Variants in ATRNL1 observed in about 807,000 individuals in gnomAD.
ATRNL1 encodes the protein attractin like 1, also known as attractin-like protein 1.
ATRNL1 carries 95 observed loss-of-function variants against 182.7 expected under a neutral mutation model. The ratio of observed to expected loss-of-function variants is 0.52; its 90% CI spans 0.44 to 0.62. The LOEUF (loss-of-function observed/expected upper bound fraction) is 0.62, where lower values mean the gene tolerates loss of function less well. ATRNL1 is among the 20% of genes least tolerant of loss of function. The pLI is 0.00. For synonymous variants in ATRNL1, 576 were observed against 568.3 expected, an observed-to-expected ratio of 1.01 and a Z score of -0.19; for missense variants, 1,471 against 1,679.5, an observed-to-expected ratio of 0.88 and a Z score of 2.17.
chr10:115,763,096 AGT>A (rs1396398636), intron 27 of ATRNL1, among the ~76,000 whole-genome samples: 1 of 152,182 alleles, frequency 6.6e-6, no homozygotes, highest in Admixed American at 6.6e-5. Context: ...GATTCTTATC[AGT>A]GAGTTTTTTT....
chr10:115,837,625 G>A (rs1303436302), intron 27 of ATRNL1, among the ~76,000 whole-genome samples: 2 of 152,022 alleles, frequency 1.3e-5, no homozygotes, highest in African/African-American at 4.8e-5. Context: ...TATGTCCTTT[G>A]TAATGGCTTT....
chr10:115,691,684 T>G (rs1946398561), intron 26 of ATRNL1, among the ~76,000 whole-genome samples: 1 of 152,210 alleles, frequency 6.6e-6, no homozygotes, highest in Non-Finnish European at 1.5e-5. Flanking sequence ...ATCACGCTAC[T>G]GCACTCCAGC....
rs535609826 is a variant in ATRNL1 at position 115,637,160 on chromosome 10, A to G, written c.3795+87624A>G. On this transcript the variant is annotated intron_variant, in intron 26 of 28. Transcript: ENST00000355044. ...CTGCTTAAAAGCAAATCTATGATGA[A>G]AATTAACTGACCATATCACCGTGGA... is the stretch of plus-strand genomic sequence containing the variant. Among the ~76,000 whole-genome samples, 4 of 152,312 alleles carry G rather than the reference A, an allele frequency of 2.6e-5. No individual in the cohort carries two copies. The East Asian group carries it at 7.7e-4, about 29-fold the overall frequency.
intron 27 of ATRNL1, among the ~76,000 whole-genome samples, chr10:115,769,317 C>T (rs1329886268): frequency 2.0e-5 from 3 of 152,082 alleles, no homozygotes; most frequent in Non-Finnish European, 2.9e-5. Context: ...CTAAATAGTG[C>T]ACATTTTCAT....
chr10:115,469,738 T>A (rs1848217038), intron 24 of ATRNL1, among the ~76,000 whole-genome samples: 1 of 150,650 alleles, frequency 6.6e-6, no homozygotes, highest in Non-Finnish European at 1.5e-5. Flanking sequence ...AGATTTTGAG[T>A]TAGCAGTATT....
intron 19 of ATRNL1, among the ~76,000 whole-genome samples, chr10:115,363,563 T>A (rs1856862391): frequency 6.7e-6 from 1 of 148,828 alleles, no homozygotes; most frequent in Non-Finnish European, 1.5e-5. Flanking sequence ...TTGCCATTGC[T>A]TTTGGTGTTT....
At chr10:115,856,108 T>C (rs1304419777) in intron 28 of ATRNL1, among the ~76,000 whole-genome samples, 2 of 152,038 alleles carry the variant, frequency 1.3e-5, no homozygotes, top group Admixed American at 1.3e-4. Context: ...ATAAAAAGCA[T>C]CAATTGTTGG....
chr10:115,246,938 G>GA (rs762937890), intron 10 of ATRNL1, among the ~76,000 whole-genome samples: 12 of 152,020 alleles, frequency 7.9e-5, no homozygotes, highest in African/African-American at 9.7e-5. Flanking sequence ...AAAGATTAAT[G>GA]AAAAAAATGC....
intron 24 of ATRNL1, among the ~76,000 whole-genome samples, chr10:115,473,257 G>A (rs1376674562): frequency 6.6e-6 from 1 of 151,188 alleles, no homozygotes; most frequent in African/African-American, 2.4e-5. Flanking sequence ...CTAGCATTTT[G>A]TTGAGGATAT....
At chr10:115,179,383 A>C (rs1847659114) in intron 8 of ATRNL1, among the ~76,000 whole-genome samples, 1 of 151,850 alleles carries the variant, frequency 6.6e-6, no homozygotes, top group South Asian at 2.1e-4. Flanking sequence ...GTGTTGCTTT[A>C]TTGAAGGCTG....
At chr10:115,508,725 C>G (rs1850239295) in intron 24 of ATRNL1, among the ~76,000 whole-genome samples, 1 of 151,882 alleles carries the variant, frequency 6.6e-6, no homozygotes, top group South Asian at 2.1e-4. Context: ...GAGGAAGATG[C>G]AGAAGAAAAT....
chr10:115,094,252 C>G (rs1003623801), intron 1 of ATRNL1, among the ~76,000 whole-genome samples: 4 of 152,036 alleles, frequency 2.6e-5, no homozygotes, highest in African/African-American at 9.7e-5. Flanking sequence ...CTCGGGCCCG[C>G]GCGGAGCCCT....
At chr10:115,283,208 G>T (rs1353297119) in intron 14 of ATRNL1, among the ~76,000 whole-genome samples, 1 of 152,078 alleles carries the variant, frequency 6.6e-6, no homozygotes, top group Non-Finnish European at 1.5e-5. Context: ...GAGGTCAGGA[G>T]TTGAAGACCA....
At chr10:115,272,763 CA>C (rs1455501225) in intron 13 of ATRNL1, among the ~76,000 whole-genome samples, 1 of 152,100 alleles carries the variant, frequency 6.6e-6, no homozygotes, top group Non-Finnish European at 1.5e-5. Context: ...ACTGAATCAT[CA>C]AAAGCCCATT....
chr10:115,157,713 A>G (rs1184504958), intron 5 of ATRNL1, among the ~76,000 whole-genome samples: 2 of 152,208 alleles, frequency 1.3e-5, no homozygotes, highest in Non-Finnish European at 1.5e-5. Flanking sequence ...ATCTCTCCCA[A>G]ATTTCAAAAT....
chr10:115,715,884 G>A (rs1947234278), intron 26 of ATRNL1, among the ~76,000 whole-genome samples: 1 of 152,112 alleles, frequency 6.6e-6, no homozygotes, highest in South Asian at 2.1e-4. Context: ...AGGAACATTG[G>A]ACTTAGTAAC....
intron 26 of ATRNL1, among the ~76,000 whole-genome samples, chr10:115,596,729 TTG>T (rs1856266263): frequency 6.6e-6 from 1 of 152,166 alleles, no homozygotes. Context: ...TATGGGAAGT[TTG>T]TATGTAGAAA....
chr10:115,215,655 A>G, intron 8 of ATRNL1, 42 bp from the exon 9 acceptor site: 1 of 1,451,406 alleles, frequency 6.9e-7, no homozygotes, highest in Non-Finnish European at 9.2e-7. Context: ...TATATTTAAA[A>G]ATACTACTTG....
chr10:115,725,244 C>T (rs569787235), intron 26 of ATRNL1, among the ~76,000 whole-genome samples: 10 of 152,154 alleles, frequency 6.6e-5, no homozygotes, highest in African/African-American at 1.9e-4. Context: ...AATATACTTT[C>T]GCATTCTACA....
Sources: allele counts gnomAD v4.1 joint callset (sites outside exome capture counted in the v4.1 genomes callset), GRCh38; gene constraint gnomAD v4.1.1; transcripts MANE v1.5; gene names NCBI Gene and HGNC (gene_info 2026-07-23, HGNC 2026-07-21).